Variants in PPME1 observed in about 807,000 individuals in gnomAD.
The protein encoded by PPME1 is testicular secretory protein Li 39.
In PPME1, 17 loss-of-function variants were observed where a neutral mutation model predicts 56.9. That is an observed-to-expected ratio of 0.30 (90% CI 0.20 to 0.45). The LOEUF is 0.45. Among genes scored for constraint, PPME1 ranks in the 20% least tolerant of loss-of-function variants. PPME1 has a pLI of 1.00. For missense variants in PPME1, 357 were observed against 483.2 expected, an observed-to-expected ratio of 0.74 and a Z score of 2.45; for synonymous variants, 122 against 156.2, an observed-to-expected ratio of 0.78 and a Z score of 1.63.
At chr11:74,226,620 A>T (rs1369822722) in intron 5 of PPME1, among the ~76,000 whole-genome samples, 1 of 152,204 alleles carries the variant, frequency 6.6e-6, no homozygotes, top group African/African-American at 2.4e-5. Flanking sequence ...AAAAAAGTGA[A>T]ATACATCATC....
At chr11:74,209,058 C>T (rs74476248) in intron 3 of PPME1, among the ~76,000 whole-genome samples, 3,981 of 152,062 alleles carry the variant, frequency 0.026, 172 homozygotes, top group African/African-American at 0.09. Context: ...GTAATTGTAC[C>T]TTTAGTTTCC....
intron 1 of PPME1, among the ~76,000 whole-genome samples, chr11:74,203,166 A>G (rs185036615): frequency 3.9e-5 from 6 of 152,286 alleles, no homozygotes; most frequent in Non-Finnish European, 7.4e-5. Flanking sequence ...TGTGTGAGCA[A>G]TTCTTCAGAT....
intron 1 of PPME1, among the ~76,000 whole-genome samples, chr11:74,187,260 T>C (rs567685130): frequency 6.6e-6 from 1 of 152,302 alleles, no homozygotes; most frequent in East Asian, 1.9e-4. Flanking sequence ...TTAGGGTGAG[T>C]TTGTCAACGT....
In PPME1 at chr11:74,231,706, A is replaced by G. The variant is rs547190305; in HGVS notation, c.644+704A>G. ...TAGACTAGGTGGTTTCTAAGGCATC[A>G]TCCACCTCTGATGCTTCATGGTTTT... is the stretch of plus-strand genomic sequence containing the variant. On this transcript the variant is annotated intron_variant, in intron 7 of 13. Transcript: ENST00000328257. 7.9e-5 allele frequency among the ~76,000 whole-genome samples: 12 copies of G among 152,314 alleles called. No homozygotes were observed. The East Asian group carries it at 2.1e-3, about 27-fold the overall frequency.
chr11:74,177,448 C>CAAA (rs11421514), intron 1 of PPME1, among the ~76,000 whole-genome samples: 4 of 91,032 alleles, frequency 4.4e-5, no homozygotes, highest in African/African-American at 8.1e-5. Flanking sequence ...GACTTTGTCT[C>CAAA]AAAAAAAAAA....
At chr11:74,231,462 A>G (rs1276588183) in intron 7 of PPME1, among the ~76,000 whole-genome samples, 3 of 152,244 alleles carry the variant, frequency 2.0e-5, no homozygotes, top group Non-Finnish European at 2.9e-5. Context: ...GTCAAGCACC[A>G]AGTTCAAGGA....
intron 1 of PPME1, among the ~76,000 whole-genome samples, chr11:74,186,643 A>G (rs964527017): frequency 6.6e-6 from 1 of 152,186 alleles, no homozygotes; most frequent in Non-Finnish European, 1.5e-5. Flanking sequence ...AGTAATTTGG[A>G]AAAAGGAATA....
Position 74,204,327 on chromosome 11 carries a change from G to C in PPME1, c.196-26G>C, listed in dbSNP as rs763641675. 68 of 1,547,198 alleles carry C rather than the reference G, an allele frequency of 4.4e-5. No homozygotes were observed. The Admixed American group carries it at 9.5e-4, about 22-fold the overall frequency. On this transcript the variant is annotated intron_variant, in intron 2 of 13. Coordinates refer to ENST00000328257, the MANE Select transcript of PPME1 (RefSeq NM_016147.3). ...AAAAACTTTAGTGAGCAAAAACATA[G>C]ATGTTTTATCTTTAACTATTCATAC...
chr11:74,218,159 A>G (rs914270242), intron 3 of PPME1, among the ~76,000 whole-genome samples: 4 of 152,122 alleles, frequency 2.6e-5, no homozygotes, highest in African/African-American at 7.2e-5. Context: ...CAAGAAAGTA[A>G]CCCTATTTAC....
chr11:74,172,771 TTAGG>T (rs1456113116), intron 1 of PPME1, among the ~76,000 whole-genome samples: 4 of 152,178 alleles, frequency 2.6e-5, no homozygotes, highest in Non-Finnish European at 4.4e-5. Context: ...GGAAAGATAC[TTAGG>T]TATGAGGGCT....
At chr11:74,212,902 A>G (rs975549741) in intron 3 of PPME1, among the ~76,000 whole-genome samples, 1 of 152,168 alleles carries the variant, frequency 6.6e-6, no homozygotes, top group African/African-American at 2.4e-5. Context: ...GCTGGCTTCA[A>G]GTGTGACCCA....
intron 1 of PPME1, among the ~76,000 whole-genome samples, chr11:74,179,636 G>A (rs17132801): frequency 0.064 from 9,776 of 152,214 alleles, 766 homozygotes; most frequent in African/African-American, 0.19. Flanking sequence ...TGCTTGGTAC[G>A]TAATAAACAC....
chr11:74,181,586 C>T (rs1473266943), intron 1 of PPME1, among the ~76,000 whole-genome samples: 2 of 152,166 alleles, frequency 1.3e-5, no homozygotes, highest in Non-Finnish European at 2.9e-5. Context: ...GTGCAAGGAC[C>T]TTTGTTTCTT....
chr11:74,196,477 G>T (rs1333506883), intron 1 of PPME1, among the ~76,000 whole-genome samples: 1 of 152,170 alleles, frequency 6.6e-6, no homozygotes. Context: ...TGGATATCCA[G>T]TTGTCCCAAT....
At chr11:74,172,158 A>G (rs1857264936) in intron 1 of PPME1, among the ~76,000 whole-genome samples, 1 of 152,192 alleles carries the variant, frequency 6.6e-6, no homozygotes, top group African/African-American at 2.4e-5. Context: ...TTTAGGGAGT[A>G]GGCCTAAGGT....
At chr11:74,191,700 C>T (rs148423192) in intron 1 of PPME1, among the ~76,000 whole-genome samples, 5 of 152,324 alleles carry the variant, frequency 3.3e-5, no homozygotes, top group African/African-American at 9.6e-5. Context: ...ATGCCCCAGG[C>T]ACAGCTTGGG....
At chr11:74,219,164 G>T (rs1485799031) in intron 3 of PPME1, among the ~76,000 whole-genome samples, 1 of 151,946 alleles carries the variant, frequency 6.6e-6, no homozygotes, top group African/African-American at 2.4e-5. Flanking sequence ...CAGAGAAATG[G>T]AAATGAAAAC....
intron 1 of PPME1, among the ~76,000 whole-genome samples, chr11:74,197,988 C>T (rs1199267226): frequency 6.6e-6 from 1 of 152,102 alleles, no homozygotes; most frequent in Non-Finnish European, 1.5e-5. Flanking sequence ...CACTTTGTCT[C>T]CTCTCTGTCA....
intron 5 of PPME1, among the ~76,000 whole-genome samples, chr11:74,226,426 C>T (rs1591053330): frequency 6.6e-6 from 1 of 152,110 alleles, no homozygotes; most frequent in African/African-American, 2.4e-5. Context: ...AATGTCATTC[C>T]ACTCAATGAA....
Sources: allele counts gnomAD v4.1 joint callset (sites outside exome capture counted in the v4.1 genomes callset), GRCh38; gene constraint gnomAD v4.1.1; transcripts MANE v1.5; gene names NCBI Gene and HGNC (gene_info 2026-07-23, HGNC 2026-07-21).